Variants in GLYATL2 observed in about 807,000 individuals in gnomAD.
The protein encoded by GLYATL2 is glycine-N-acyltransferase like 2.
Under a neutral mutation model 21.4 loss-of-function variants are expected in GLYATL2, and 25 were observed. The observed-to-expected ratio is 1.17, with a 90% CI of 0.85 to 1.63. The LOEUF (loss-of-function observed/expected upper bound fraction) is 1.63, where lower values mean the gene tolerates loss of function less well. GLYATL2 is among the 40% of genes most tolerant of loss of function. The pLI is 0.00. For missense variants in GLYATL2, 361 were observed against 343.3 expected, an observed-to-expected ratio of 1.05 and a Z score of -0.41; for synonymous variants, 114 against 118.2, an observed-to-expected ratio of 0.96 and a Z score of 0.23.
intron 1 of GLYATL2, among the ~76,000 whole-genome samples, chr11:58,855,622 C>T (rs1264155032): frequency 6.6e-6 from 1 of 152,222 alleles, no homozygotes; most frequent in African/African-American, 2.4e-5. Context: ...GTCAGCCTGT[C>T]CTTTGCAGCT....
Position 58,839,666 on chromosome 11 carries a change from C to T in GLYATL2, c.-40-14G>A, listed in dbSNP as rs1236888432. 1 of 1,334,744 alleles carries T rather than the reference C, an allele frequency of 7.5e-7. No homozygotes were observed. The highest frequency in any genetic ancestry group is 2.3e-5 in the East Asian group (1 of 43,328). 82.7% of individuals were successfully genotyped at this position (1,334,744 alleles called of 1,614,324 possible). On this transcript the variant is annotated splice_polypyrimidine_tract_variant and intron_variant, in intron 1 of 5. Coordinates refer to ENST00000287275, the MANE Select transcript of GLYATL2 (RefSeq NM_145016.4). ...CAAGAAGATGATCTAAGGAAATAAA[C>T]ACAAAAACAAAAATACCTAGAGAGA... is the stretch of plus-strand genomic sequence containing the variant.
At chr11:58,842,747 A>T (rs1173993862) in intron 1 of GLYATL2, among the ~76,000 whole-genome samples, 1 of 152,190 alleles carries the variant, frequency 6.6e-6, no homozygotes, top group Non-Finnish European at 1.5e-5. Context: ...CAAAGGACTC[A>T]GTGAGGCCAC....
intron 1 of GLYATL2, among the ~76,000 whole-genome samples, chr11:58,840,454 A>G (rs974292217): frequency 6.6e-6 from 1 of 152,198 alleles, no homozygotes; most frequent in African/African-American, 2.4e-5. Context: ...CCAGGCAACT[A>G]TCAAAATGAT....
chr11:58,904,892 TC>T (rs1364205889), upstream of GLYATL2, among the ~76,000 whole-genome samples: 1 of 152,214 alleles, frequency 6.6e-6, no homozygotes, highest in Non-Finnish European at 1.5e-5. Flanking sequence ...CACCATCTTC[TC>T]CCCTTCTTTG....
rs1427605720 is a variant in GLYATL2 at position 58,836,923 on chromosome 11, T to C, written c.476+92A>G. ...CATGCAATTGTGTAGCCCATCATAA[T>C]TTAGTCTCAAATCCTACATTTCCAA... is the stretch of plus-strand genomic sequence containing the variant. On this transcript the variant is annotated intron_variant, in intron 5 of 5. Coordinates refer to ENST00000287275, the MANE Select transcript of GLYATL2 (RefSeq NM_145016.4). The C allele has an allele frequency of 5.4e-6, 6 of 1,104,072 alleles. No homozygotes were observed. The Admixed American group carries it at 6.0e-5, about 11-fold the overall frequency. The allele number at this position is 1,104,072 out of a possible 1,614,324, so 68.4% of individuals were successfully genotyped here. A position where few individuals can be genotyped will look rare whatever the true frequency, so the allele number is the denominator to read the frequency against.
intron 1 of GLYATL2, among the ~76,000 whole-genome samples, chr11:58,856,307 C>A (rs929116833): frequency 6.6e-6 from 1 of 152,086 alleles, no homozygotes; most frequent in African/African-American, 2.4e-5. Context: ...AATGTTGTGG[C>A]TAGTTTAATT....
intron 1 of GLYATL2, among the ~76,000 whole-genome samples, chr11:58,903,917 A>G (rs1854789958): frequency 6.6e-6 from 1 of 152,242 alleles, no homozygotes; most frequent in Admixed American, 6.5e-5. Flanking sequence ...CAATATATCA[A>G]AAGTAGAATT....
chr11:58,884,183 C>T (rs1590746665), intron 1 of GLYATL2, among the ~76,000 whole-genome samples: 1 of 152,170 alleles, frequency 6.6e-6, no homozygotes, highest in African/African-American at 2.4e-5. Context: ...TTCACCACTC[C>T]TATTCAACAT....
At chr11:58,863,968 T>TGG (rs1853978746) in intron 1 of GLYATL2, among the ~76,000 whole-genome samples, 3 of 152,170 alleles carry the variant, frequency 2.0e-5, no homozygotes, top group African/African-American at 7.2e-5. Flanking sequence ...GCCTGGAGCC[T>TGG]GAGTCTGCAG....
chr11:58,853,839 T>A (rs642957), intron 1 of GLYATL2, among the ~76,000 whole-genome samples: 134,995 of 152,164 alleles, frequency 0.89, 61,046 homozygotes, highest in Non-Finnish European at 0.98. Flanking sequence ...AAATGTATTC[T>A]AATAACAATT....
At chr11:58,899,787 ATATT>A (rs1854703146) in intron 1 of GLYATL2, among the ~76,000 whole-genome samples, 1 of 152,012 alleles carries the variant, frequency 6.6e-6, no homozygotes, top group South Asian at 2.1e-4. Context: ...AGTGTGCCTA[ATATT>A]TATTTAACAT....
chr11:58,906,232 C>T (rs1054062508), upstream of GLYATL2, among the ~76,000 whole-genome samples: 1 of 152,004 alleles, frequency 6.6e-6, no homozygotes, highest in Non-Finnish European at 1.5e-5. Flanking sequence ...GGGCCCCGCC[C>T]GTTGTGGTAA....
Position 58,875,248 on chromosome 11 carries a change from G to T in GLYATL2, n.60+28908C>A, listed in dbSNP as rs1191473506. Among the ~76,000 whole-genome samples, 4 of 152,140 alleles carry T rather than the reference G, an allele frequency of 2.6e-5. No individual in the cohort carries two copies. The South Asian group carries it at 8.3e-4, about 32-fold the overall frequency. On this transcript the variant is annotated intron_variant and non_coding_transcript_variant, in intron 1 of 4. Transcript: ENST00000533636. ...TGGGTCTTGACTCTTTATCCAATTT[G>T]CCAGTCTGTGCCTTTTAATTGGAGC...
intron 1 of GLYATL2, among the ~76,000 whole-genome samples, chr11:58,888,294 A>C (rs1430054951): frequency 1.3e-5 from 2 of 152,116 alleles, no homozygotes; most frequent in Non-Finnish European, 2.9e-5. Context: ...TTTGACATGA[A>C]GAAATTTTGA....
At chr11:58,881,936 C>T (rs895352607) in intron 1 of GLYATL2, among the ~76,000 whole-genome samples, 3 of 152,190 alleles carry the variant, frequency 2.0e-5, no homozygotes, top group African/African-American at 2.4e-5. Context: ...TTAATGGCTG[C>T]ATAGTATTCC....
At chr11:58,884,475 G>T (rs1212884647) in intron 1 of GLYATL2, among the ~76,000 whole-genome samples, 1 of 152,128 alleles carries the variant, frequency 6.6e-6, no homozygotes, top group Non-Finnish European at 1.5e-5. Context: ...GCTTCAAAGA[G>T]AATAAAATAC....
Position 58,838,259 on chromosome 11 carries a change from A to G in GLYATL2, c.186+2T>C. The G allele has an allele frequency of 6.3e-7, 1 of 1,594,766 alleles. No homozygotes were observed. On this transcript the variant is annotated splice_donor_variant, in intron 3 of 5. Transcript: ENST00000287275. LOFTEE classifies it high-confidence loss of function. ...CTCATATTCAGTAACTATTGCTCCT[A>G]CCTGTTTCTGAGGCCGGGTAATGAC...
chr11:58,863,980 T>A (rs1853979111), intron 1 of GLYATL2, among the ~76,000 whole-genome samples: 1 of 152,156 alleles, frequency 6.6e-6, no homozygotes, highest in Non-Finnish European at 1.5e-5. Context: ...AGTCTGCAGA[T>A]GCTTGCCAGA....
chr11:58,903,529 C>T (rs1280432344), intron 1 of GLYATL2, among the ~76,000 whole-genome samples: 2 of 151,874 alleles, frequency 1.3e-5, no homozygotes, highest in East Asian at 1.9e-4. Context: ...AAAAAGTATC[C>T]GGGCGTGGTG....
Sources: allele counts gnomAD v4.1 joint callset (sites outside exome capture counted in the v4.1 genomes callset), GRCh38; gene constraint gnomAD v4.1.1; transcripts MANE v1.5; gene names NCBI Gene and HGNC (gene_info 2026-07-23, HGNC 2026-07-21).